SLC45A4: variants seen among roughly 807,000 people sequenced by gnomAD.
SLC45A4 encodes solute carrier family 45 member 4, also known as polyamine-transporter SLC45A4.
In SLC45A4, 32 loss-of-function variants were observed where a neutral mutation model predicts 63.7. That is an observed-to-expected ratio of 0.50 (90% confidence interval 0.38 to 0.67). The LOEUF is 0.67. SLC45A4 is among the 30% of genes least tolerant of loss of function. The probability of loss-of-function intolerance (pLI) is 0.00; values close to 1 mark genes in which losing one functional copy is unlikely to be tolerated. For missense variants in SLC45A4, 1,027 were observed against 1,157.7 expected (o/e 0.89, Z 1.64); for synonymous variants, 535 against 510.0 (o/e 1.05, Z -0.66).
Position 141,258,852 on chromosome 8 carries a change from T to C in SLC45A4, c.-400-4223A>G, listed in dbSNP as rs558753322. On this transcript the variant is annotated intron_variant, in intron 1 of 8. Coordinates refer to ENST00000517878, the MANE Select transcript of SLC45A4 (RefSeq NM_001286646.2). ...GCTGAAGTAAGCTACAATTATGCCA[T>C]TGAACTCCAGTCTGCGAGACACAGT... 5.9e-5 allele frequency among the ~76,000 whole-genome samples: 9 copies of C among 151,510 alleles called. No homozygotes were observed. In the South Asian group the frequency reaches 1.5e-3, roughly 25 times the overall value.
At chr8:141,277,668 C>T (rs980861778) in intron 1 of SLC45A4, among the ~76,000 whole-genome samples, 4 of 151,104 alleles carry the variant, frequency 2.6e-5, no homozygotes, top group African/African-American at 7.3e-5. Flanking sequence ...GAGATGGAGT[C>T]TTGCTCTGTC....
At chr8:141,226,056 A>T (rs924746748) in intron 2 of SLC45A4, 12 of 152,770 alleles carry the variant, frequency 7.9e-5, no homozygotes, top group Non-Finnish European at 1.3e-4. Context: ...TCAGCCCCTC[A>T]AACCACACAG....
At chr8:141,221,413 C>T (rs566906855) in intron 3 of SLC45A4, among the ~76,000 whole-genome samples, 164 bp downstream of exon 3, 4 of 152,380 alleles carry the variant, frequency 2.6e-5, no homozygotes, top group South Asian at 2.1e-4. Flanking sequence ...CCAGCTTCGG[C>T]GCTGCCAGGG....
intron 4 of SLC45A4, 21 bp from the exon 5 acceptor site, chr8:141,219,050 G>A (rs1193423602): frequency 6.3e-7 from 1 of 1,591,100 alleles, no homozygotes; most frequent in African/African-American, 1.3e-5. Flanking sequence ...GGAAGCAGCA[G>A]CCGGTGAGCC....
intron 2 of SLC45A4, among the ~76,000 whole-genome samples, chr8:141,239,785 C>T (rs1463951276): frequency 1.3e-5 from 2 of 152,204 alleles, no homozygotes; most frequent in Admixed American, 6.5e-5. Flanking sequence ...GCTCATGAGA[C>T]TGGGCTCTGG....
intron 1 of SLC45A4, among the ~76,000 whole-genome samples, chr8:141,271,722 C>T (rs993362989): frequency 1.3e-5 from 2 of 152,164 alleles, no homozygotes; most frequent in Non-Finnish European, 2.9e-5. Context: ...AGGGGAAGTC[C>T]GCAGTTCACC....
At chr8:141,263,769 C>CA (rs67335309) in intron 1 of SLC45A4, among the ~76,000 whole-genome samples, 5,347 of 89,030 alleles carry the variant, frequency 0.06, 251 homozygotes, top group Middle Eastern at 0.14. Flanking sequence ...GACTCCGTCT[C>CA]AAAAAAAAAA....
At chr8:141,253,533 T>C (rs556491226) in intron 2 of SLC45A4, among the ~76,000 whole-genome samples, 2 of 152,308 alleles carry the variant, frequency 1.3e-5, no homozygotes, top group Admixed American at 1.3e-4. Flanking sequence ...CCTCTTAGGG[T>C]TGGTTTGCGA....
chr8:141,257,710 G>A (rs1266534185), intron 1 of SLC45A4, among the ~76,000 whole-genome samples: 1 of 152,190 alleles, frequency 6.6e-6, no homozygotes. Flanking sequence ...GCAATGACGT[G>A]AGACATCTCT....
intron 1 of SLC45A4, among the ~76,000 whole-genome samples, chr8:141,260,130 T>G (rs562285736): frequency 6.6e-6 from 1 of 152,318 alleles, no homozygotes; most frequent in Admixed American, 6.5e-5. Context: ...AGGGGCACAG[T>G]ACACGGATTT....
Position 141,218,606 on chromosome 8 carries a change from C to A in SLC45A4, c.1034G>T (p.Arg345Leu). 6.2e-7 allele frequency: 1 copy of A among 1,613,248 alleles called. No individual in the cohort carries two copies. Among genetic ancestry groups the A allele is most frequent in the Non-Finnish European group, 8.5e-7 (1 of 1,179,868 alleles). Residue 345 changes from arginine (R) to leucine (L), a missense_variant, in exon 5 of 9, where the codon CGC becomes CTC. Physicochemically the swap from Arg to Leu is moderately radical, Grantham distance 102. Transcript: ENST00000517878. ...FHDASYPATP[R>L]STSQELAKTK... is the part of the protein sequence containing the mutation. ...CTTGGCGAGCTCCTGGCTGGTGCTG[C>A]GGGGGGTGGCGGGGTAGGAGGCGTC...
intron 2 of SLC45A4, chr8:141,230,193 C>A (rs1827270416): frequency 2.2e-6 from 1 of 451,402 alleles, no homozygotes; most frequent in Non-Finnish European, 4.4e-6. Flanking sequence ...AAGCACAGGC[C>A]TCTGTTTCTG....
intron 7 of SLC45A4, 93 bp from the exon 8 acceptor site, chr8:141,212,649 A>C (rs1342618613): frequency 3.5e-6 from 5 of 1,415,950 alleles, no homozygotes; most frequent in Middle Eastern, 1.8e-4. Context: ...CAAGCCTGGA[A>C]ACATGACCCG....
At position 141,218,450 on chromosome 8, in the gene SLC45A4, C is replaced by T. The variant is rs373677486; in HGVS notation, c.1190G>A (p.Gly397Asp). 6.2e-7 allele frequency: 1 copy of T among 1,612,684 alleles called. No individual in the cohort carries two copies. Among genetic ancestry groups the T allele is most frequent in the African/African-American group, 1.3e-5 (1 of 75,054 alleles). ...SGSPTKDALGGYTRVDTKPSA... is the reference protein window; with the variant it reads ...SGSPTKDALGDYTRVDTKPSA... ...GGGCTTCGTGTCCACCCTGGTGTAG[C>T]CGCCGAGGGCGTCTTTTGTGGGGGA... The change falls in exon 5 of 9, where the codon GGC becomes GAC. Residue 397 changes from glycine (G) to aspartate (D), a missense_variant. By Grantham distance (94) the Gly-to-Asp change is moderately conservative. Coordinates refer to ENST00000517878, the MANE Select transcript of SLC45A4 (RefSeq NM_001286646.2).
rs534023649 is a variant in SLC45A4 at position 141,214,770 on chromosome 8, C to G, written c.1941+989G>C. On this transcript the variant is annotated intron_variant, in intron 7 of 8. Transcript: ENST00000517878. ...AGAAGAGAGCGGAAACACATGCTTA[C>G]ACGGAAGCCCAATTTATGGCAAAGG... Among the ~76,000 whole-genome samples, 25 of 152,254 alleles carry G rather than the reference C, an allele frequency of 1.6e-4. No homozygotes were observed. The South Asian group carries it at 5.2e-3, about 32-fold the overall frequency.
At position 141,217,107 on chromosome 8, in the gene SLC45A4, G is replaced by C; in HGVS notation, c.1712C>G (p.Thr571Ser). 1.2e-6 allele frequency: 2 copies of C among 1,614,020 alleles called. No individual in the cohort carries two copies. The highest frequency in any genetic ancestry group is 1.7e-6 in the Non-Finnish European group (2 of 1,180,008). The change falls in exon 6 of 9, where the codon ACT becomes AGT. Residue 571 changes from threonine (T) to serine (S), a missense_variant. Transcript: ENST00000517878. Reference sequence around the variant, plus strand: ...GCTCTTACCTGAACAAATAGCACCAGTGGCGGCATAAATGACCAGGCCCCA... The same window carrying C: ...GCTCTTACCTGAACAAATAGCACCACTGGCGGCATAAATGACCAGGCCCCA... ...GCWGLVIYAA[T>S]GAICSALLQK...
chr8:141,244,212 C>G (rs1828055135), intron 2 of SLC45A4, among the ~76,000 whole-genome samples: 1 of 152,188 alleles, frequency 6.6e-6, no homozygotes, highest in African/African-American at 2.4e-5. Flanking sequence ...TTTGAAAGGC[C>G]TCTTCCCTGC....
chr8:141,219,717 G>C lies in SLC45A4; in HGVS notation c.543C>G (p.Ala181=). The change falls in exon 4 of 9, where the codon GCC becomes GCG. Residue 181 remains alanine, a synonymous_variant. Coordinates refer to ENST00000517878, the MANE Select transcript of SLC45A4 (RefSeq NM_001286646.2). ...SADATEGPIR[A]YLLDVVDSEE... is the part of the protein sequence containing the mutation. ...CGCTGTCCACCACGTCCAGCAGATAGGCACGGATGGGCCCCTCGGTGGCAT... is the reference window on the plus strand; with the variant it reads ...CGCTGTCCACCACGTCCAGCAGATACGCACGGATGGGCCCCTCGGTGGCAT... The C allele has an allele frequency of 6.2e-7, 1 of 1,610,716 alleles. No individual in the cohort carries two copies. Among genetic ancestry groups the C allele is most frequent in the Non-Finnish European group, 8.5e-7 (1 of 1,178,746 alleles).
At chr8:141,294,130 T>G (rs566255272) in intron 1 of SLC45A4, among the ~76,000 whole-genome samples, 1 of 151,566 alleles carries the variant, frequency 6.6e-6, no homozygotes, top group Non-Finnish European at 1.5e-5. Flanking sequence ...CCAGGATCTC[T>G]GTAGACCAGG....
Sources: gnomAD v4.1 joint callset for allele counts (sites outside exome capture counted in the v4.1 genomes callset) on GRCh38, gnomAD v4.1.1 for gene constraint, MANE v1.5 for transcripts, NCBI Gene and HGNC (gene_info 2026-07-23, HGNC 2026-07-21) for gene names.